CCSER1: variants seen among roughly 807,000 people sequenced by gnomAD.
CCSER1 encodes coiled-coil serine rich protein 1.
Under a neutral mutation model 82.0 loss-of-function variants are expected in CCSER1, and 41 were observed. That is an observed-to-expected ratio of 0.50 (90% CI 0.39 to 0.65). The LOEUF is 0.65. Ranked by LOEUF, CCSER1 falls within the 30% of genes least tolerant of loss-of-function variation. The pLI is 0.00. For synonymous variants in CCSER1, 414 were observed against 383.9 expected (o/e 1.08, Z -0.92); for missense variants, 1,119 against 1,064.2 (o/e 1.05, Z -0.72).
intron 4 of CCSER1, among the ~76,000 whole-genome samples, chr4:90,451,310 C>T (rs1454992907): frequency 6.6e-6 from 1 of 152,092 alleles, no homozygotes; most frequent in Non-Finnish European, 1.5e-5. Flanking sequence ...TCTACCCATA[C>T]TAGGAGGTAC....
intron 10 of CCSER1, among the ~76,000 whole-genome samples, chr4:91,583,500 T>C (rs1763833346): frequency 6.6e-6 from 1 of 151,394 alleles, no homozygotes; most frequent in Non-Finnish European, 1.5e-5. Flanking sequence ...TGATATGTTC[T>C]GAGTTAAAAC....
intron 8 of CCSER1, among the ~76,000 whole-genome samples, chr4:90,869,228 C>G (rs1203599901): frequency 6.6e-6 from 1 of 151,888 alleles, no homozygotes; most frequent in Admixed American, 6.6e-5. Context: ...TCTATTTTTG[C>G]TTTAGTTACC....
intron 10 of CCSER1, among the ~76,000 whole-genome samples, chr4:91,296,338 A>G (rs1046197667): frequency 6.6e-6 from 1 of 150,924 alleles, no homozygotes. Context: ...TTAGAATCAA[A>G]TCACTTTGGG....
At chr4:90,227,974 G>A (rs1229746428) in intron 1 of CCSER1, among the ~76,000 whole-genome samples, 1 of 152,170 alleles carries the variant, frequency 6.6e-6, no homozygotes, top group African/African-American at 2.4e-5. Flanking sequence ...AGGGTCCTAC[G>A]CCCATGGAGT....
intron 8 of CCSER1, among the ~76,000 whole-genome samples, chr4:90,863,959 ATTTTAT>A (rs1765413712): frequency 1.8e-5 from 1 of 55,542 alleles, no homozygotes. Context: ...TTTTTATTTT[ATTTTAT>A]TTTATTTTAT....
intron 9 of CCSER1, among the ~76,000 whole-genome samples, chr4:91,060,103 T>A (rs1476288206): frequency 6.6e-6 from 1 of 152,064 alleles, no homozygotes; most frequent in Non-Finnish European, 1.5e-5. Flanking sequence ...TTTACTAACA[T>A]TTGTTTAGCT....
At chr4:91,432,714 G>T (rs765600697) in intron 10 of CCSER1, among the ~76,000 whole-genome samples, 1 of 151,960 alleles carries the variant, frequency 6.6e-6, no homozygotes, top group African/African-American at 2.4e-5. Flanking sequence ...TTTACTACTG[G>T]ATTTTTGTAT....
At position 91,255,119 on chromosome 4, in the gene CCSER1, G is replaced by A. The variant is rs183995229; in HGVS notation, c.2217+169125G>A. Among the ~76,000 whole-genome samples the A allele has an allele frequency of 9.2e-5, 14 of 152,204 alleles. No individual in the cohort carries two copies. In the East Asian group the frequency reaches 2.5e-3, roughly 27 times the overall value. The stretch of plus-strand genomic sequence containing the variant: ...TAATGTTGATGTTAATAAGCATTGT[G>A]GAATATTAATGGTCATATTGATAAG... On this transcript the variant is annotated intron_variant, in intron 10 of 10. Coordinates refer to ENST00000509176, the MANE Select transcript of CCSER1 (RefSeq NM_001145065.2).
In CCSER1 at chr4:91,504,454, C is replaced by T. The variant is rs151026947; in HGVS notation, c.2218-94118C>T. 7.6e-3 allele frequency among the ~76,000 whole-genome samples: 1,159 copies of T among 152,182 alleles called. 8 individuals are homozygous for T. Among genetic ancestry groups the T allele is most frequent in the Non-Finnish European group, 0.012 (802 of 67,966 alleles). On this transcript the variant is annotated intron_variant, in intron 10 of 10. Transcript: ENST00000509176. ...GACAAGATTAGTCTTATGTTGCCTA[C>T]AAACAACATTTGAGTGTCTTAATTG... is the stretch of plus-strand genomic sequence containing the variant.
chr4:90,311,086 A>G (rs1193182449), intron 2 of CCSER1, among the ~76,000 whole-genome samples: 2 of 152,086 alleles, frequency 1.3e-5, no homozygotes, highest in African/African-American at 2.4e-5. Flanking sequence ...GATTGCATGC[A>G]CTGTTTCATA....
At chr4:91,001,080 T>C (rs988451450) in intron 9 of CCSER1, among the ~76,000 whole-genome samples, 3 of 152,178 alleles carry the variant, frequency 2.0e-5, no homozygotes, top group African/African-American at 4.8e-5. Context: ...TGAGGTATGT[T>C]CTTTTGATGC....
At chr4:91,430,906 T>C (rs1242257458) in intron 10 of CCSER1, among the ~76,000 whole-genome samples, 3 of 152,160 alleles carry the variant, frequency 2.0e-5, no homozygotes, top group Non-Finnish European at 4.4e-5. Context: ...ATGTAAACAA[T>C]CTGTTTTATT....
intron 2 of CCSER1, among the ~76,000 whole-genome samples, chr4:90,311,541 A>G (rs1341510889): frequency 6.6e-6 from 1 of 152,178 alleles, no homozygotes; most frequent in African/African-American, 2.4e-5. Context: ...TTGAAGTTTA[A>G]AATTTTAAAA....
chr4:91,300,057 G>A (rs1744547273), intron 10 of CCSER1, among the ~76,000 whole-genome samples: 1 of 151,844 alleles, frequency 6.6e-6, no homozygotes, highest in African/African-American at 2.4e-5. Context: ...CCATTTTGTT[G>A]CCTTGACTTT....
intron 1 of CCSER1, among the ~76,000 whole-genome samples, chr4:90,212,686 A>G (rs1186802669): frequency 6.6e-6 from 1 of 152,210 alleles, no homozygotes; most frequent in Non-Finnish European, 1.5e-5. Context: ...AAGAGTATAG[A>G]TATATTGTAT....
At chr4:90,296,420 A>T (rs886628774) in intron 1 of CCSER1, among the ~76,000 whole-genome samples, 2 of 152,046 alleles carry the variant, frequency 1.3e-5, no homozygotes, top group African/African-American at 2.4e-5. Context: ...AGGATGCAAA[A>T]ATTTTCTCCT....
At chr4:91,499,915 T>C (rs1759115731) in intron 10 of CCSER1, among the ~76,000 whole-genome samples, 1 of 152,094 alleles carries the variant, frequency 6.6e-6, no homozygotes, top group Non-Finnish European at 1.5e-5. Context: ...TTGGCAGTTA[T>C]GAATAAAGCA....
intron 1 of CCSER1, among the ~76,000 whole-genome samples, chr4:90,233,517 A>T (rs1224875307): frequency 1.3e-5 from 2 of 152,092 alleles, no homozygotes; most frequent in East Asian, 1.9e-4. Flanking sequence ...AGATATACCT[A>T]ACGCTAGATG....
intron 10 of CCSER1, among the ~76,000 whole-genome samples, chr4:91,111,829 AAAG>A (rs1211577572): frequency 2.0e-5 from 3 of 151,494 alleles, no homozygotes; most frequent in Admixed American, 2.0e-4. Flanking sequence ...AAAAAGAGAG[AAAG>A]AAGAAGACAA....
Sources: gnomAD v4.1 joint callset for allele counts (sites outside exome capture counted in the v4.1 genomes callset) on GRCh38, gnomAD v4.1.1 for gene constraint, MANE v1.5 for transcripts, NCBI Gene and HGNC (gene_info 2026-07-23, HGNC 2026-07-21) for gene names.